The following CNOT4 variants were observed in gnomAD, a reference collection of about 807,000 sequenced individuals.
CNOT4 encodes the protein CCR4-associated factor 4.
CNOT4 carries 8 observed loss-of-function variants against 73.8 expected under a neutral mutation model. The ratio of observed to expected loss-of-function variants is 0.11; its 90% CI spans 0.06 to 0.20. The LOEUF is 0.20. Ranked by LOEUF, CNOT4 falls within the 10% of genes least tolerant of loss-of-function variation. The probability of loss-of-function intolerance (pLI) is 1.00; values close to 1 mark genes in which losing one functional copy is unlikely to be tolerated. For missense variants in CNOT4, 564 were observed against 883.4 expected, an observed-to-expected ratio of 0.64 and a Z score of 4.58; for synonymous variants, 293 against 321.1, an observed-to-expected ratio of 0.91 and a Z score of 0.94.
intron 3 of CNOT4, among the ~76,000 whole-genome samples, chr7:135,420,189 T>G (rs1313594336): frequency 6.6e-6 from 1 of 152,044 alleles, no homozygotes; most frequent in Non-Finnish European, 1.5e-5. Flanking sequence ...AGATCCAAGA[T>G]GTATTAATAA....
At chr7:135,503,746 GAATT>G (rs1804160352) in intron 1 of CNOT4, among the ~76,000 whole-genome samples, 1 of 152,062 alleles carries the variant, frequency 6.6e-6, no homozygotes, top group Non-Finnish European at 1.5e-5. Flanking sequence ...TCTCATCTAA[GAATT>G]AATAAAAGTT....
chr7:135,509,833 C>G (rs1335336364), intron 1 of CNOT4, 56 bp downstream of exon 1: 1 of 389,802 alleles, frequency 2.6e-6, no homozygotes, highest in Non-Finnish European at 4.5e-6. Context: ...AGCCTCCGCT[C>G]TCTCGTAGCC....
intron 1 of CNOT4, among the ~76,000 whole-genome samples, chr7:135,477,518 G>C (rs1018559773): frequency 6.6e-6 from 1 of 152,030 alleles, no homozygotes; most frequent in Non-Finnish European, 1.5e-5. Context: ...ATACACTCAC[G>C]AATATATCTT....
At chr7:135,483,875 T>G (rs1357524060) in intron 1 of CNOT4, among the ~76,000 whole-genome samples, 1 of 152,044 alleles carries the variant, frequency 6.6e-6, no homozygotes, top group African/African-American at 2.4e-5. Flanking sequence ...TTCCTCAACT[T>G]GGCAAAGAAC....
At chr7:135,369,608 T>G (rs1563009013) in intron 10 of CNOT4, among the ~76,000 whole-genome samples, 1 of 152,240 alleles carries the variant, frequency 6.6e-6, no homozygotes, top group Non-Finnish European at 1.5e-5. Context: ...CTTAAACAAA[T>G]CTTTCTTGGT....
At chr7:135,455,906 T>C (rs1800499926) in intron 1 of CNOT4, among the ~76,000 whole-genome samples, 1 of 152,128 alleles carries the variant, frequency 6.6e-6, no homozygotes, top group African/African-American at 2.4e-5. Context: ...CATATAAGCG[T>C]GTTAATATCT....
intron 2 of CNOT4, among the ~76,000 whole-genome samples, chr7:135,423,040 A>G (rs763135804): frequency 7.2e-5 from 11 of 152,212 alleles, no homozygotes; most frequent in Admixed American, 5.2e-4. Context: ...CAGTCGTCTC[A>G]TCTGTAAAAT....
chr7:135,373,099 G>GT (rs1429140803), intron 10 of CNOT4, among the ~76,000 whole-genome samples: 35 of 152,350 alleles, frequency 2.3e-4, no homozygotes, highest in Admixed American at 1.1e-3. Flanking sequence ...GCTTAGAAAA[G>GT]ATGGGTAGAG....
rs754914456 is a variant in CNOT4, at chr7:135,394,012, C to T, written c.1533G>A (p.Leu511=). Reference sequence around the variant, plus strand: ...TTGAGGTGGGGTTTGCTGTGTGGTTCAAGTGCATGATGCTATTGCGTGGAA... The same window carrying T: ...TTGAGGTGGGGTTTGCTGTGTGGTTTAAGTGCATGATGCTATTGCGTGGAA... ...MAFPRNSIMH[L]NHTANPTSNS... is the part of the protein sequence containing the mutation. Residue 511 remains leucine (L), a synonymous_variant, in exon 10 of 12, where the codon TTG becomes TTA. Coordinates refer to ENST00000541284, the MANE Select transcript of CNOT4 (RefSeq NM_001190850.2). 3 of 1,614,128 alleles carry T rather than the reference C, an allele frequency of 1.9e-6. No individual in the cohort carries two copies. Among genetic ancestry groups the T allele is most frequent in the East Asian group, 2.2e-5 (1 of 44,880 alleles).
intron 1 of CNOT4, among the ~76,000 whole-genome samples, chr7:135,482,516 C>T (rs959440141): frequency 1.3e-5 from 2 of 151,850 alleles, no homozygotes; most frequent in African/African-American, 4.8e-5. Flanking sequence ...CATACCACTG[C>T]ACTCTAACCT....
chr7:135,365,507 G>GATAA (rs4034907), intron 10 of CNOT4, among the ~76,000 whole-genome samples: 80,057 of 151,488 alleles, frequency 0.53, 21,718 homozygotes, highest in East Asian at 0.76. Context: ...GGCAGACAAG[G>GATAA]ATAATCTGCA....
intron 2 of CNOT4, among the ~76,000 whole-genome samples, chr7:135,425,965 C>T (rs1486305068): frequency 6.6e-6 from 1 of 151,946 alleles, no homozygotes; most frequent in African/African-American, 2.4e-5. Context: ...CGGTGGCTCA[C>T]ACCTGTAATT....
Position 135,363,929 on chromosome 7 carries a change from T to C in CNOT4, c.1765A>G (p.Thr589Ala), listed in dbSNP as rs770951118. Reference protein sequence around the residue: ...SPSNANHSAPTSNTATTDSLS... With the variant: ...SPSNANHSAPASNTATTDSLS... The stretch of plus-strand genomic sequence containing the variant: ...CTGTCGGTGGTGGCAGTGTTGGACG[T>C]TGGTGCACTGTGGTTGGCGTTGGAG... The change falls in exon 11 of 12, where the codon ACG (threonine) becomes GCG (alanine). Residue 589 changes from threonine (T) to alanine (A), a missense_variant. Thr to Ala is a moderately conservative substitution (Grantham distance 58). Around this residue, in one of 10 missense-constraint regions of CNOT4, gnomAD observed 53 missense variants for 75.4 expected, o/e 0.70. Transcript: ENST00000541284. This position sits in a 1 kb window ranked among gnomAD's most constrained non-coding sequence, Gnocchi z 4.3. 7 of 1,598,236 alleles carry C rather than the reference T, an allele frequency of 4.4e-6. No individual in the cohort carries two copies. The highest frequency in any genetic ancestry group is 4.2e-6 in the Non-Finnish European group (5 of 1,179,676).
At chr7:135,447,798 T>C (rs1220744485) in intron 1 of CNOT4, among the ~76,000 whole-genome samples, 1 of 152,204 alleles carries the variant, frequency 6.6e-6, no homozygotes, top group Non-Finnish European at 1.5e-5. Flanking sequence ...AACCAGGGAA[T>C]AAGACAGCTG....
At position 135,509,872 on chromosome 7, in the gene CNOT4, G is replaced by A; in HGVS notation, c.-93+17C>T. ...CAGCCCCGGGTTTCCCCTAAGCCCA[G>A]CCCCGCATAGACTCACCCGCCTGCC... On this transcript the variant is annotated intron_variant, in intron 1 of 11. Transcript: ENST00000541284. 1 of 394,788 alleles carries A rather than the reference G, an allele frequency of 2.5e-6. No homozygotes were observed. The highest frequency in any genetic ancestry group is 4.5e-6 in the Non-Finnish European group (1 of 224,024). The allele number at this position is 394,788 out of a possible 1,614,324, so 24.5% of individuals were successfully genotyped here. A position where few individuals can be genotyped will look rare whatever the true frequency, so the allele number is the denominator to read the frequency against.
intron 10 of CNOT4, among the ~76,000 whole-genome samples, chr7:135,373,551 G>A (rs1353184151): frequency 6.6e-6 from 1 of 152,094 alleles, no homozygotes; most frequent in East Asian, 1.9e-4. Flanking sequence ...GGCAGACTCT[G>A]GAAGCAACAT....
At chr7:135,458,978 A>T (rs1041860973) in intron 1 of CNOT4, among the ~76,000 whole-genome samples, 4 of 152,030 alleles carry the variant, frequency 2.6e-5, no homozygotes, top group Non-Finnish European at 5.9e-5. Flanking sequence ...GAAGGTTTTC[A>T]ATTTATTTTG....
intron 1 of CNOT4, among the ~76,000 whole-genome samples, chr7:135,443,761 A>C (rs1799634546): frequency 6.6e-6 from 1 of 152,216 alleles, no homozygotes; most frequent in Non-Finnish European, 1.5e-5. Context: ...AAAATCATAC[A>C]GTCAAAATTA....
intron 2 of CNOT4, among the ~76,000 whole-genome samples, chr7:135,430,757 A>G (rs890061942): frequency 6.6e-6 from 1 of 152,252 alleles, no homozygotes; most frequent in African/African-American, 2.4e-5. Context: ...AACACCATTC[A>G]TGATAAAATC....
Sources: allele counts gnomAD v4.1 joint callset (sites outside exome capture counted in the v4.1 genomes callset), GRCh38; gene constraint gnomAD v4.1.1; regional missense constraint gnomAD v4.1.1; non-coding constraint Gnocchi (gnomAD v3.1); transcripts MANE v1.5; gene names NCBI Gene and HGNC (gene_info 2026-07-23, HGNC 2026-07-21).